ABR: variants seen among roughly 807,000 people sequenced by gnomAD.
ABR encodes ABR activator of RhoGEF and GTPase, also known as active breakpoint cluster region-related protein.
A neutral mutation model predicts 107.2 loss-of-function variants in ABR; 35 were observed. That is an observed-to-expected ratio of 0.33 (90% CI 0.25 to 0.43). The LOEUF (loss-of-function observed/expected upper bound fraction) is 0.43. Ranked by LOEUF, ABR falls within the 20% of genes least tolerant of loss-of-function variation. The probability of loss-of-function intolerance (pLI) is 1.00; values close to 1 mark genes in which losing one functional copy is unlikely to be tolerated. For synonymous variants in ABR, 498 were observed against 462.0 expected, an observed-to-expected ratio of 1.08 and a Z score of -1.00; for missense variants, 815 against 1,115.2, an observed-to-expected ratio of 0.73 and a Z score of 3.83.
chr17:1,025,763 C>T (rs1196577930), intron 16 of ABR, among the ~76,000 whole-genome samples: 1 of 152,162 alleles, frequency 6.6e-6, no homozygotes, highest in East Asian at 1.9e-4. Flanking sequence ...TTTTTCACAG[C>T]ACTCATCTGA....
At chr17:1,031,623 A>AGCC (rs2072772364) in intron 16 of ABR, 1 of 1,190,350 alleles carries the variant, frequency 8.4e-7, no homozygotes, top group South Asian at 3.3e-5. Context: ...CTTGTTGCGC[A>AGCC]CGCGGCCCCA....
intron 1 of ABR, among the ~76,000 whole-genome samples, chr17:1,130,726 C>T (rs1280670309): frequency 3.3e-5 from 5 of 152,112 alleles, no homozygotes; most frequent in African/African-American, 9.7e-5. Flanking sequence ...GTCGATTAAC[C>T]GGTGGGTCCT....
chr17:1,100,611 G>A (rs748911273), intron 3 of ABR, 26 bp downstream of exon 3: 3 of 1,606,618 alleles, frequency 1.9e-6, no homozygotes, highest in Middle Eastern at 1.7e-4. Flanking sequence ...GGGACCGGAA[G>A]GCCCCAGAGC....
intron 1 of ABR, among the ~76,000 whole-genome samples, chr17:1,142,499 C>T (rs1417929595): frequency 1.3e-5 from 2 of 151,768 alleles, no homozygotes; most frequent in Non-Finnish European, 2.9e-5. Context: ...GCAGGAGAAT[C>T]GCTTGAACCC....
intron 16 of ABR, among the ~76,000 whole-genome samples, chr17:1,044,697 T>A (rs1444995390): frequency 1.3e-5 from 2 of 149,084 alleles, no homozygotes; most frequent in African/African-American, 4.9e-5. Flanking sequence ...AGGAATCCCC[T>A]CCTTTTATTC....
rs1283934743 is a variant in ABR at position 1,106,024 on chromosome 17, T to C, written c.247-5289A>G. 2.0e-5 allele frequency among the ~76,000 whole-genome samples: 3 copies of C among 152,226 alleles called. No individual in the cohort carries two copies. The East Asian group carries it at 5.8e-4, about 29-fold the overall frequency. The stretch of plus-strand genomic sequence containing the variant: ...TTAAATAGAATGGCATGAAACATTT[T>C]TGGCAAGTGTAAGCCATTTTACAAA... On this transcript the variant is annotated intron_variant, in intron 2 of 22. Transcript: ENST00000302538.
At position 1,157,196 on chromosome 17, in the gene ABR, C is replaced by G. The variant is rs964087058; in HGVS notation, c.61+22471G>C. Among the ~76,000 whole-genome samples the G allele has an allele frequency of 6.6e-6, 1 of 151,852 alleles. No homozygotes were observed. Among genetic ancestry groups the G allele is most frequent in the Non-Finnish European group, 1.5e-5 (1 of 67,986 alleles). ...AAGCTTGGAACCCGGGCAGTCTGGT[C>G]TCAGACACTACCCTCTCTTGCTACT... On this transcript the variant is annotated intron_variant, in intron 1 of 22. Coordinates refer to ENST00000302538, the MANE Select transcript of ABR (RefSeq NM_021962.5). This position sits in a 1 kb window ranked among gnomAD's most constrained non-coding sequence, Gnocchi z 4.7.
chr17:1,207,107 G>T (rs553501742), intron 1 of ABR, among the ~76,000 whole-genome samples: 1 of 150,036 alleles, frequency 6.7e-6, no homozygotes, highest in South Asian at 2.1e-4. Context: ...AAAAAAGCCA[G>T]GCATTGTGGT....
intron 16 of ABR, among the ~76,000 whole-genome samples, chr17:1,045,972 G>C (rs369952001): frequency 1.6e-3 from 250 of 152,296 alleles, no homozygotes; most frequent in African/African-American, 5.9e-3. Context: ...CCAGGTTCAA[G>C]TGATTCTCCT....
chr17:1,142,477 C>T (rs557695063), intron 1 of ABR, among the ~76,000 whole-genome samples: 31 of 151,222 alleles, frequency 2.0e-4, no homozygotes, highest in African/African-American at 7.5e-4. Flanking sequence ...CCCAGCTACT[C>T]GGGGGGCTGA....
At chr17:1,161,483 C>T (rs1290278332) in intron 1 of ABR, among the ~76,000 whole-genome samples, 1 of 151,906 alleles carries the variant, frequency 6.6e-6, no homozygotes, top group African/African-American at 2.4e-5. Context: ...TAGTCTCGAG[C>T]AATCCTCCCA....
At chr17:1,207,095 A>AC (rs35777410) in intron 1 of ABR, among the ~76,000 whole-genome samples, 83,417 of 150,994 alleles carry the variant, frequency 0.55, 25,332 homozygotes, top group Non-Finnish European at 0.7. Flanking sequence ...AAACAAACAA[A>AC]AAAAAAAGCC....
In ABR at chr17:1,027,745, T is replaced by C. The variant is rs2150880919; in HGVS notation, c.1792-14581A>G. Reference sequence around the variant, plus strand: ...CCTGTCTGTGGCTGAGGGGTCGCTATGGGGGTGTGTGTGAACAGAGAAGAC... The same window carrying C: ...CCTGTCTGTGGCTGAGGGGTCGCTACGGGGGTGTGTGTGAACAGAGAAGAC... On this transcript the variant is annotated intron_variant, in intron 16 of 22. Coordinates refer to ENST00000302538, the MANE Select transcript of ABR (RefSeq NM_021962.5). This position sits in a 1 kb window ranked among gnomAD's most constrained non-coding sequence, Gnocchi z 4.7. 6.6e-6 allele frequency among the ~76,000 whole-genome samples: 1 copy of C among 151,722 alleles called. No individual in the cohort carries two copies. Among genetic ancestry groups the C allele is most frequent in the South Asian group, 2.1e-4 (1 of 4,764 alleles).
At chr17:1,175,598 G>A (rs926828041) in intron 1 of ABR, among the ~76,000 whole-genome samples, 2 of 152,124 alleles carry the variant, frequency 1.3e-5, no homozygotes, top group Non-Finnish European at 1.5e-5. Flanking sequence ...TCAGCCCCAG[G>A]GCCCCTGGCA....
chr17:1,012,840 G>A (rs2070740883), intron 17 of ABR, 43 bp from the exon 18 acceptor site: 1 of 1,493,602 alleles, frequency 6.7e-7, no homozygotes. Context: ...CAGGGTGTGA[G>A]TGCCCGAGGA....
intron 1 of ABR, among the ~76,000 whole-genome samples, chr17:1,207,829 G>T (rs1200164690): frequency 6.6e-6 from 1 of 151,658 alleles, no homozygotes; most frequent in East Asian, 2.0e-4. Context: ...GAGTGCAGAG[G>T]TGCGATCTCG....
At chr17:1,178,632 C>G (rs1003014870) in intron 1 of ABR, among the ~76,000 whole-genome samples, 1 of 151,966 alleles carries the variant, frequency 6.6e-6, no homozygotes, top group Non-Finnish European at 1.5e-5. Flanking sequence ...CAGGCTGAAC[C>G]AGGCTCCACG....
At chr17:1,197,670 G>A (rs2042595686) in intron 1 of ABR, among the ~76,000 whole-genome samples, 3 of 151,628 alleles carry the variant, frequency 2.0e-5, no homozygotes, top group Admixed American at 2.0e-4. Context: ...CAGCAGAGAG[G>A]GGGAGGGTGC....
chr17:1,167,201 CCTT>C (rs1163938402), intron 1 of ABR, among the ~76,000 whole-genome samples: 1 of 152,016 alleles, frequency 6.6e-6, no homozygotes, highest in African/African-American at 2.4e-5. Flanking sequence ...TCCAGTATCC[CCTT>C]CTGATGGCCC....
Sources: gnomAD v4.1 joint callset for allele counts (sites outside exome capture counted in the v4.1 genomes callset) on GRCh38, gnomAD v4.1.1 for gene constraint, Gnocchi (gnomAD v3.1) non-coding constraint, MANE v1.5 for transcripts, NCBI Gene and HGNC (gene_info 2026-07-23, HGNC 2026-07-21) for gene names.